The following PLEKHA6 variants were observed in gnomAD, a reference collection of about 807,000 sequenced individuals.
PLEKHA6 encodes the protein pleckstrin homology domain-containing family A member 6.
Under a neutral mutation model 116.7 loss-of-function variants are expected in PLEKHA6, and 60 were observed. The observed-to-expected ratio is 0.51, with a 90% CI of 0.42 to 0.64. The LOEUF is 0.64. Ranked by LOEUF, PLEKHA6 falls within the 30% of genes least tolerant of loss-of-function variation. PLEKHA6 has a pLI of 0.00. For missense variants in PLEKHA6, 1,338 were observed against 1,422.7 expected, an observed-to-expected ratio of 0.94 and a Z score of 0.96; for synonymous variants, 489 against 556.1, an observed-to-expected ratio of 0.88 and a Z score of 1.70.
intron 2 of PLEKHA6, among the ~76,000 whole-genome samples, chr1:204,370,457 C>A (rs551922850): frequency 2.1e-3 from 316 of 152,380 alleles, no homozygotes; most frequent in African/African-American, 7.3e-3. Context: ...ACCCACACCC[C>A]CTCTTACTGG....
rs375476571 is a variant in PLEKHA6, at chr1:204,292,159, C to A, written c.-94-17350G>T. Among the ~76,000 whole-genome samples, 119 of 152,244 alleles carry A rather than the reference C, an allele frequency of 7.8e-4. 1 individual carries two copies. In the South Asian group the frequency reaches 0.021, roughly 27 times the overall value. ...ATGTAGCAGACCTGAATACGGTCTT[C>A]ATCAAAATAAAGGATTATTTGTTCT... is the stretch of plus-strand genomic sequence containing the variant. On this transcript the variant is annotated intron_variant, in intron 1 of 22. Coordinates refer to ENST00000272203, the MANE Select transcript of PLEKHA6 (RefSeq NM_014935.5).
intron 17 of PLEKHA6, among the ~76,000 whole-genome samples, chr1:204,236,864 A>G (rs1459203517): frequency 6.6e-6 from 1 of 152,206 alleles, no homozygotes; most frequent in East Asian, 1.9e-4. Context: ...TCCATTCTTG[A>G]GCCAGTTTAC....
intron 17 of PLEKHA6, among the ~76,000 whole-genome samples, chr1:204,239,087 CT>C (rs1172429160): frequency 2.0e-5 from 3 of 152,152 alleles, no homozygotes; most frequent in Non-Finnish European, 2.9e-5. Flanking sequence ...TATTTGTATC[CT>C]ATGTGAGTGC....
rs75027609 is a variant in PLEKHA6, at chr1:204,307,916, G to T, written c.-94-33107C>A. ...GGCAATAAGGGCAACAGGCAAGTCTGCAGCTTAAGAGCAGAGATTTTGAGA... is the reference window on the plus strand; with the variant it reads ...GGCAATAAGGGCAACAGGCAAGTCTTCAGCTTAAGAGCAGAGATTTTGAGA... On this transcript the variant is annotated intron_variant, in intron 1 of 22. Transcript: ENST00000272203. 1.0e-5 allele frequency: 10 copies of T among 984,184 alleles called. No homozygotes were observed. The South Asian group carries it at 3.8e-4, about 37-fold the overall frequency. The allele number at this position is 984,184 out of a possible 1,614,324, so 61.0% of individuals were successfully genotyped here.
At chr1:204,249,093 A>G (rs1462867803) in intron 11 of PLEKHA6, 91 bp downstream of exon 11, 2 of 1,478,380 alleles carry the variant, frequency 1.4e-6, no homozygotes, top group South Asian at 1.2e-5. Context: ...TTGCTTTGTC[A>G]TCTCAGTCAG....
chr1:204,343,085 A>G (rs985902657), intron 1 of PLEKHA6, among the ~76,000 whole-genome samples: 1 of 152,174 alleles, frequency 6.6e-6, no homozygotes, highest in Non-Finnish European at 1.5e-5. Flanking sequence ...AGCAAAGGGG[A>G]GATCTAAGCC....
chr1:204,340,808 G>A (rs981928004), intron 1 of PLEKHA6, among the ~76,000 whole-genome samples: 1 of 152,212 alleles, frequency 6.6e-6, no homozygotes, highest in Non-Finnish European at 1.5e-5. Context: ...AGAAGACAAA[G>A]AGAGGAATCA....
chr1:204,301,612 G>A (rs1304061449), intron 1 of PLEKHA6: 4 of 275,914 alleles, frequency 1.4e-5, no homozygotes, highest in Non-Finnish European at 2.2e-5. Flanking sequence ...ACAGAGCTGT[G>A]GGGGAAACAG....
intron 1 of PLEKHA6, 188 bp downstream of exon 1, chr1:204,359,506 G>T: frequency 1.8e-6 from 1 of 561,546 alleles, no homozygotes; most frequent in Non-Finnish European, 2.3e-6. Context: ...GCACAGGGAG[G>T]GCTATAATTA....
At chr1:204,365,637 A>G (rs955323) in intron 3 of PLEKHA6, among the ~76,000 whole-genome samples, 31,595 of 152,148 alleles carry the variant, frequency 0.21, 3,855 homozygotes, top group African/African-American at 0.33. Flanking sequence ...GCAGAAATCA[A>G]TTATGCCTGT....
rs542318446 is a variant in PLEKHA6 at position 204,247,672 on chromosome 1, A to G, written c.1825-212T>C. Among the ~76,000 whole-genome samples, 15 of 152,266 alleles carry G rather than the reference A, an allele frequency of 9.9e-5. No individual in the cohort carries two copies. The East Asian group carries it at 2.9e-3, about 29-fold the overall frequency. On this transcript the variant is annotated intron_variant, in intron 12 of 22. Coordinates refer to ENST00000272203, the MANE Select transcript of PLEKHA6 (RefSeq NM_014935.5). ...AGATGTAACAGCCCATCCCACCACC[A>G]ACTGAAATAAAGAGAAAATGGAGAG...
chr1:204,247,333 C>A, intron 13 of PLEKHA6, 32 bp downstream of exon 13: 1 of 1,380,874 alleles, frequency 7.2e-7, no homozygotes, highest in South Asian at 1.2e-5. Context: ...AGTCACATCC[C>A]AATCCCCGCC....
At chr1:204,274,254 T>C (rs1667784721) in intron 2 of PLEKHA6, among the ~76,000 whole-genome samples, 1 of 152,186 alleles carries the variant, frequency 6.6e-6, no homozygotes, top group South Asian at 2.1e-4. Flanking sequence ...TTTTAAAATC[T>C]AGACCCTGGG....
intron 1 of PLEKHA6, among the ~76,000 whole-genome samples, chr1:204,275,260 C>A (rs1355760194): frequency 6.6e-6 from 1 of 152,180 alleles, no homozygotes; most frequent in Non-Finnish European, 1.5e-5. Context: ...TTGGACTCCT[C>A]CTCCTTCTCC....
At chr1:204,249,335 G>A (rs1253605057) in intron 10 of PLEKHA6, 71 bp from the exon 11 acceptor site, 5 of 1,102,936 alleles carry the variant, frequency 4.5e-6, no homozygotes, top group Admixed American at 1.7e-5. Flanking sequence ...ATGGGGACCT[G>A]GGAGTTATAG....
At chr1:204,242,514 C>T (rs1190661702) in intron 15 of PLEKHA6, among the ~76,000 whole-genome samples, 5 of 152,206 alleles carry the variant, frequency 3.3e-5, no homozygotes, top group African/African-American at 1.2e-4. Flanking sequence ...CCTAGATGAG[C>T]ATATGAGTTT....
chr1:204,271,863 A>G (rs909894812), intron 3 of PLEKHA6, among the ~76,000 whole-genome samples: 1 of 151,992 alleles, frequency 6.6e-6, no homozygotes, highest in Non-Finnish European at 1.5e-5. Flanking sequence ...ATTGACCATC[A>G]TTCCTGTTTC....
intron 1 of PLEKHA6, among the ~76,000 whole-genome samples, chr1:204,328,045 ATT>A (rs1464049950): frequency 8.0e-6 from 1 of 125,650 alleles, no homozygotes; most frequent in Non-Finnish European, 1.6e-5. Flanking sequence ...GCTTTTATTT[ATT>A]TTATTTATTT....
chr1:204,342,482 T>C (rs1283873932), intron 1 of PLEKHA6, among the ~76,000 whole-genome samples: 1 of 152,232 alleles, frequency 6.6e-6, no homozygotes, highest in Admixed American at 6.5e-5. Flanking sequence ...GCATTCCTAC[T>C]CCACATTGAA....
Sources: gnomAD v4.1 joint callset for allele counts (sites outside exome capture counted in the v4.1 genomes callset) on GRCh38, gnomAD v4.1.1 for gene constraint, MANE v1.5 for transcripts, NCBI Gene and HGNC (gene_info 2026-07-23, HGNC 2026-07-21) for gene names.